Variants in BCCIP observed in about 807,000 individuals in gnomAD.
BCCIP encodes BRCA2 and CDKN1A interacting protein.
In BCCIP, 23 loss-of-function variants were observed where a neutral mutation model predicts 32.8. The observed-to-expected ratio is 0.70, with a 90% confidence interval of 0.51 to 0.99. BCCIP has a LOEUF of 0.99. BCCIP is among the 50% of genes least tolerant of loss of function. The pLI, the probability that BCCIP is intolerant of heterozygous loss-of-function variation, is 0.00. For synonymous variants in BCCIP, 144 were observed against 137.6 expected (o/e 1.05, Z -0.33); for missense variants, 378 against 379.8 (o/e 1.00, Z 0.04).
intron 2 of BCCIP, among the ~76,000 whole-genome samples, chr10:125,827,130 GT>G (rs573375202): frequency 2.3e-4 from 33 of 144,018 alleles, no homozygotes; most frequent in East Asian, 4.0e-4. Context: ...GAGTTATTTT[GT>G]TTTTTTTTTT....
chr10:125,838,093 A>T, downstream of BCCIP: 1 of 1,000,366 alleles, frequency 1.0e-6, no homozygotes, highest in Non-Finnish European at 1.4e-6. Flanking sequence ...AACGTAAATT[A>T]AGATTGCATC....
chr10:125,850,883 C>A (rs1944081877), intron 7 of BCCIP, among the ~76,000 whole-genome samples: 1 of 152,234 alleles, frequency 6.6e-6, no homozygotes, highest in East Asian at 1.9e-4. Flanking sequence ...AAATTTCTAT[C>A]TAGGTACCAC....
chr10:125,844,538 A>C (rs1854958349), downstream of BCCIP, among the ~76,000 whole-genome samples: 1 of 152,270 alleles, frequency 6.6e-6, no homozygotes, highest in South Asian at 2.1e-4. Context: ...ATTAGAAAGA[A>C]TGAGTTAATG....
chr10:125,831,943 C>A (rs1854530889), intron 5 of BCCIP, among the ~76,000 whole-genome samples: 1 of 152,158 alleles, frequency 6.6e-6, no homozygotes, highest in Admixed American at 6.5e-5. Context: ...TGAACAATTA[C>A]AACAATAACA....
At chr10:125,852,671 G>A (rs374705004) in intron 7 of BCCIP, 42 of 1,568,654 alleles carry the variant, frequency 2.7e-5, no homozygotes, top group African/African-American at 1.1e-4. Flanking sequence ...CATCATTAGC[G>A]TCAGATAAGT....
At chr10:125,827,852 G>A (rs1318498590) in intron 3 of BCCIP, among the ~76,000 whole-genome samples, 1 of 150,232 alleles carries the variant, frequency 6.7e-6, no homozygotes, top group African/African-American at 2.4e-5. Context: ...CATGCCTGTA[G>A]TCTTTTTACC....
At chr10:125,853,120 T>C (rs777561009) in intron 7 of BCCIP, 10 of 1,595,334 alleles carry the variant, frequency 6.3e-6, no homozygotes, top group Non-Finnish European at 8.6e-6. Flanking sequence ...TGATTTTCCT[T>C]ACAGGTGGTT....
chr10:125,847,155 A>G (rs1219741878), downstream of BCCIP, among the ~76,000 whole-genome samples: 1 of 145,628 alleles, frequency 6.9e-6, no homozygotes, highest in Non-Finnish European at 1.5e-5. Flanking sequence ...CACCCATTGT[A>G]TGGTCATTTT....
intron 1 of BCCIP, chr10:125,825,621 A>G (rs992800545): frequency 1.3e-5 from 2 of 152,208 alleles, no homozygotes; most frequent in East Asian, 1.9e-4. Context: ...AAATATATAC[A>G]TAGTCAGGGT....
chr10:125,838,416 AT>A (rs747507228), downstream of BCCIP: 391 of 1,535,096 alleles, frequency 2.5e-4, no homozygotes, highest in Non-Finnish European at 3.1e-4. Context: ...AAGAAAAAAG[AT>A]TTTGTATTAA....
Position 125,823,615 on chromosome 10 carries a change from C to G in BCCIP, c.58C>G (p.Pro20Ala). The change falls in exon 1 of 7, where the codon CCC (proline) becomes GCC (alanine). Residue 20 changes from proline to alanine, a missense_variant. Pro to Ala is a conservative substitution (Grantham distance 27). Coordinates refer to ENST00000278100, the MANE Select transcript of BCCIP (RefSeq NM_078468.3). ...AAGTGGGGTTCCGCAGCCGCCGGAT[C>G]CCCCAGTCCAGCGCGACGAGGAAGA... ...VESGVPQPPD[P>A]PVQRDEEEEK... The G allele has an allele frequency of 6.8e-6, 11 of 1,614,068 alleles. No homozygotes were observed. The highest frequency in any genetic ancestry group is 9.3e-6 in the Non-Finnish European group (11 of 1,179,984).
Position 125,835,423 on chromosome 10 carries a change from C to CA in BCCIP, c.775-675dup, listed in dbSNP as rs1379371158. ...TGAAACGCTGTCTTTACTAAAAATACAAAAAATTAGCCAGGCACAATGGTG... is the reference window on the plus strand; with the variant it reads ...TGAAACGCTGTCTTTACTAAAAATACAAAAAAATTAGCCAGGCACAATGGTG... On this transcript the variant is annotated intron_variant, in intron 6 of 6. Transcript: ENST00000278100. 5.3e-5 allele frequency among the ~76,000 whole-genome samples: 8 copies of CA among 151,878 alleles called. No homozygotes were observed. In the East Asian group the frequency reaches 9.7e-4, roughly 18 times the overall value.
chr10:125,843,824 T>C (rs1369467608), downstream of BCCIP, among the ~76,000 whole-genome samples: 1 of 152,152 alleles, frequency 6.6e-6, no homozygotes, highest in Non-Finnish European at 1.5e-5. Context: ...AGGCAAAAGA[T>C]CTGCTACTAG....
At position 125,823,653 on chromosome 10, in the gene BCCIP, C is replaced by A; in HGVS notation, c.96C>A (p.Val32=). The change falls in exon 1 of 7, where the codon GTC becomes GTA. Residue 32 remains valine (V), a synonymous_variant. Coordinates refer to ENST00000278100, the MANE Select transcript of BCCIP (RefSeq NM_078468.3). ...GCGACGAGGAAGAGGAAAAAGAAGT[C>A]GAAAATGAGGATGAAGACGATGATG... ...VQRDEEEEKE[V]ENEDEDDDDS... 2 of 1,613,906 alleles carry A rather than the reference C, an allele frequency of 1.2e-6. No individual in the cohort carries two copies. The highest frequency in any genetic ancestry group is 1.7e-5 in the Admixed American group (1 of 60,004).
downstream of BCCIP, chr10:125,840,772 ATAAC>A (rs1192317886): frequency 1.1e-5 from 16 of 1,441,046 alleles, no homozygotes; most frequent in African/African-American, 7.2e-5. Flanking sequence ...TGTTTGATGA[ATAAC>A]TAATAAGGAC....
At chr10:125,845,138 A>C (rs1316765214), downstream of BCCIP, among the ~76,000 whole-genome samples, 2 of 152,180 alleles carry the variant, frequency 1.3e-5, no homozygotes, top group Non-Finnish European at 1.5e-5. Context: ...GTGGAGTCCA[A>C]GGCCACGGCA....
intron 1 of BCCIP, among the ~76,000 whole-genome samples, chr10:125,825,064 T>G (rs1057221705): frequency 2.6e-5 from 4 of 152,264 alleles, no homozygotes; most frequent in African/African-American, 9.6e-5. Flanking sequence ...CATTTTTCAC[T>G]TAGAACTTTG....
Position 125,833,217 on chromosome 10 carries a change from G to A in BCCIP, c.600-555G>A, listed in dbSNP as rs190216593. Among the ~76,000 whole-genome samples, 194 of 152,252 alleles carry A rather than the reference G, an allele frequency of 1.3e-3. 1 individual carries two copies. The highest frequency in any genetic ancestry group is 4.5e-3 in the African/African-American group (187 of 41,538). On this transcript the variant is annotated intron_variant, in intron 5 of 6. Coordinates refer to ENST00000278100, the MANE Select transcript of BCCIP (RefSeq NM_078468.3). ...GTTCAAGGGCATCCAGATGCACAAG[G>A]CTATGTTTAATTTTCAGAAAGAAGA...
At chr10:125,853,149 C>T (rs776440530) in exon 8 of BCCIP, 4 of 1,611,632 alleles carry the variant, frequency 2.5e-6, no homozygotes, top group Non-Finnish European at 3.4e-6. Flanking sequence ...CAAGTGACAG[C>T]CCTGGTTTCT....
Sources: gnomAD v4.1 joint callset for allele counts (sites outside exome capture counted in the v4.1 genomes callset) on GRCh38, gnomAD v4.1.1 for gene constraint, MANE v1.5 for transcripts, NCBI Gene and HGNC (gene_info 2026-07-23, HGNC 2026-07-21) for gene names.